Variants in WWOX observed in about 807,000 individuals in gnomAD.
WWOX encodes the protein WW domain-containing oxidoreductase.
In WWOX, 69 loss-of-function variants were observed where a neutral mutation model predicts 46.2. The observed-to-expected ratio is 1.49, with a 90% CI of 1.23 to 1.82. WWOX has a LOEUF of 1.82. WWOX is among the 40% of genes most tolerant of loss of function. WWOX has a pLI of 0.00. For synonymous variants in WWOX, 359 were observed against 202.6 expected (o/e 1.77, Z -6.56); for missense variants, 919 against 542.6 (o/e 1.69, Z -6.89).
At chr16:78,652,408 CAAAAAAA>C (rs747993811) in intron 8 of WWOX, among the ~76,000 whole-genome samples, 27 of 107,468 alleles carry the variant, frequency 2.5e-4, no homozygotes, top group African/African-American at 5.1e-4. Context: ...GACTCCGTCT[CAAAAAAA>C]AAAAAAAAAA....
chr16:78,466,842 C>T (rs987739714), intron 8 of WWOX, among the ~76,000 whole-genome samples: 9 of 151,324 alleles, frequency 5.9e-5, no homozygotes, highest in African/African-American at 1.5e-4. Context: ...AGCGAGACTC[C>T]GTCTCAAAAA....
intron 5 of WWOX, among the ~76,000 whole-genome samples, chr16:78,355,367 C>A (rs140449838): frequency 0.055 from 8,393 of 152,206 alleles, 347 homozygotes; most frequent in East Asian, 0.18. Context: ...CTTTGGGAGG[C>A]TGAGGCGGGC....
intron 5 of WWOX, among the ~76,000 whole-genome samples, chr16:78,331,048 T>C (rs572706511): frequency 3.3e-5 from 5 of 152,300 alleles, no homozygotes; most frequent in African/African-American, 1.2e-4. Context: ...ATGTAGTAAA[T>C]AAGATAATTT....
chr16:78,641,109 G>A (rs953046479), intron 8 of WWOX, among the ~76,000 whole-genome samples: 2 of 152,146 alleles, frequency 1.3e-5, no homozygotes, highest in African/African-American at 4.8e-5. Context: ...AGAGAAGCAG[G>A]CTGTGGTTGT....
At position 78,099,799 on chromosome 16, in the gene WWOX, G is replaced by C; in HGVS notation, c.21G>C (p.Ala7=). The C allele has an allele frequency of 6.4e-7, 1 of 1,567,534 alleles. No individual in the cohort carries two copies. The highest frequency in any genetic ancestry group is 8.6e-7 in the Non-Finnish European group (1 of 1,158,440). MAALRY[A]GLDDTDSEDE... ...CAGCCATGGCAGCGCTGCGCTACGCGGGGCTGGACGACACGGACAGTGAGG... is the reference window on the plus strand; with the variant it reads ...CAGCCATGGCAGCGCTGCGCTACGCCGGGCTGGACGACACGGACAGTGAGG... The change falls in exon 1 of 9, where the codon GCG becomes GCC. Residue 7 remains alanine, a synonymous_variant. Transcript: ENST00000566780.
chr16:78,890,780 G>A (rs543913101), intron 8 of WWOX: 1 of 152,294 alleles, frequency 6.6e-6, no homozygotes, highest in East Asian at 1.9e-4. Flanking sequence ...CCTTAGCCTT[G>A]TTCAAGGTAA....
intron 8 of WWOX, among the ~76,000 whole-genome samples, chr16:78,532,132 A>G (rs909662118): frequency 6.0e-5 from 9 of 151,064 alleles, no homozygotes; most frequent in African/African-American, 2.2e-4. Context: ...GAATTTAGTT[A>G]GATTTATAAT....
chr16:78,638,704 G>C (rs1025114430), intron 8 of WWOX, among the ~76,000 whole-genome samples: 1 of 152,134 alleles, frequency 6.6e-6, no homozygotes, highest in Non-Finnish European at 1.5e-5. Flanking sequence ...GATTCCAATC[G>C]AATACATTAG....
intron 5 of WWOX, among the ~76,000 whole-genome samples, chr16:78,257,890 T>G (rs1396362943): frequency 6.6e-6 from 1 of 151,738 alleles, no homozygotes; most frequent in South Asian, 2.1e-4. Context: ...CTTTTCTTTC[T>G]AGAAACAGGA....
At chr16:78,183,318 G>T (rs1338901774) in intron 5 of WWOX, among the ~76,000 whole-genome samples, 2 of 152,192 alleles carry the variant, frequency 1.3e-5, no homozygotes, top group South Asian at 2.1e-4. Context: ...CCAAGCTCAA[G>T]AATATTCGGG....
At chr16:79,138,886 A>G (rs2050033929) in intron 8 of WWOX, among the ~76,000 whole-genome samples, 1 of 152,210 alleles carries the variant, frequency 6.6e-6, no homozygotes, top group African/African-American at 2.4e-5. Flanking sequence ...CCACAGGAGC[A>G]GAGAGCACAG....
intron 4 of WWOX, among the ~76,000 whole-genome samples, chr16:78,129,438 T>A (rs2033500736): frequency 6.6e-6 from 1 of 152,202 alleles, no homozygotes; most frequent in Non-Finnish European, 1.5e-5. Flanking sequence ...TGTTAAGTAT[T>A]TGTGTATCTA....
chr16:78,639,870 T>C (rs1197710081), intron 8 of WWOX, among the ~76,000 whole-genome samples: 1 of 151,924 alleles, frequency 6.6e-6, no homozygotes, highest in Non-Finnish European at 1.5e-5. Flanking sequence ...TAGGCCCAGA[T>C]TGGCTTCTGT....
At chr16:78,100,258 T>C (rs1000569244) in intron 1 of WWOX, 31 of 1,109,848 alleles carry the variant, frequency 2.8e-5, no homozygotes, top group Non-Finnish European at 3.4e-5. Flanking sequence ...TGTTGTGTTT[T>C]GTTTTGTTTT....
chr16:78,893,813 T>C (rs1286965814), intron 8 of WWOX, among the ~76,000 whole-genome samples: 1 of 152,120 alleles, frequency 6.6e-6, no homozygotes. Flanking sequence ...CACTTTTGCT[T>C]CACAGAGGTA....
chr16:78,311,735 A>G (rs942403004), intron 5 of WWOX, among the ~76,000 whole-genome samples: 2 of 151,974 alleles, frequency 1.3e-5, no homozygotes, highest in African/African-American at 4.8e-5. Context: ...ATTTTTTTGA[A>G]GGAAGAAAAA....
intron 4 of WWOX, among the ~76,000 whole-genome samples, chr16:78,153,365 G>C (rs1259428522): frequency 2.0e-5 from 3 of 152,094 alleles, no homozygotes; most frequent in Non-Finnish European, 4.4e-5. Context: ...GGAAAGTATG[G>C]TCTTCCTACT....
chr16:79,079,792 G>A (rs920619143), intron 8 of WWOX, among the ~76,000 whole-genome samples: 2 of 152,170 alleles, frequency 1.3e-5, no homozygotes, highest in Non-Finnish European at 2.9e-5. Context: ...CTGCAAGCAT[G>A]TATCTTTGGA....
rs1266242257 is a variant in WWOX at position 78,340,514 on chromosome 16, A to T, written c.517-46346A>T. 5.0e-5 allele frequency among the ~76,000 whole-genome samples: 6 copies of T among 120,218 alleles called. 1 individual carries two copies. The South Asian group carries it at 7.6e-4, about 15-fold the overall frequency. The allele number at this position is 120,218 out of a possible 152,430, so 78.9% of individuals were successfully genotyped here. ...ATGAACCACCACACCTAGCCTCTTG[A>T]TAAAGTCTTTCCCCAAATGTTCTGA... On this transcript the variant is annotated intron_variant, in intron 5 of 8. Coordinates refer to ENST00000566780, the MANE Select transcript of WWOX (RefSeq NM_016373.4).
Sources: gnomAD v4.1 joint callset for allele counts (sites outside exome capture counted in the v4.1 genomes callset) on GRCh38, gnomAD v4.1.1 for gene constraint, MANE v1.5 for transcripts, NCBI Gene and HGNC (gene_info 2026-07-23, HGNC 2026-07-21) for gene names.